The following SPAG9 variants were observed in gnomAD, a reference collection of about 807,000 sequenced individuals.
SPAG9 encodes the protein sperm associated antigen 9, also known as C-Jun-amino-terminal kinase-interacting protein 4.
Under a neutral mutation model 166.5 loss-of-function variants are expected in SPAG9, and 35 were observed. That is an observed-to-expected ratio of 0.21 (90% CI 0.16 to 0.28). The LOEUF is 0.28. Among genes scored for constraint, SPAG9 ranks in the 10% least tolerant of loss-of-function variants. SPAG9 has a pLI of 1.00. For missense variants in SPAG9, 1,235 were observed against 1,603.3 expected (o/e 0.77, Z 3.92); for synonymous variants, 534 against 565.5 (o/e 0.94, Z 0.79).
intron 6 of SPAG9, among the ~76,000 whole-genome samples, chr17:51,028,493 A>G (rs1194695602): frequency 1.3e-5 from 2 of 152,216 alleles, no homozygotes; most frequent in Admixed American, 1.3e-4. Context: ...AGGTACACAA[A>G]ATAGTTACCA....
At chr17:51,012,597 T>C (rs2045534039) in intron 9 of SPAG9, among the ~76,000 whole-genome samples, 1 of 151,942 alleles carries the variant, frequency 6.6e-6, no homozygotes, top group Admixed American at 6.6e-5. Flanking sequence ...ACAACTTTCT[T>C]AGCCCTCCAT....
chr17:51,089,879 T>C (rs1323598921), intron 1 of SPAG9, among the ~76,000 whole-genome samples: 1 of 151,166 alleles, frequency 6.6e-6, no homozygotes, highest in Non-Finnish European at 1.5e-5. Flanking sequence ...GGTTTCACCA[T>C]GTTGGCCAGG....
chr17:51,099,780 A>C lies in SPAG9; in HGVS notation c.304-20076T>G, dbSNP rs60928400. ...TTACTAAAAAAAAAAAAAAAAAAAAAAAAAAAAAACTAGAAATTGTTATCT... is the reference window on the plus strand; with the variant it reads ...TTACTAAAAAAAAAAAAAAAAAAAACAAAAAAAAACTAGAAATTGTTATCT... On this transcript the variant is annotated intron_variant, in intron 1 of 29. Coordinates refer to ENST00000262013, the MANE Select transcript of SPAG9 (RefSeq NM_001130528.3). Among the ~76,000 whole-genome samples, 150 of 150,532 alleles carry C rather than the reference A, an allele frequency of 1.0e-3. 1 individual carries two copies. The highest frequency in any genetic ancestry group is 3.2e-3 in the African/African-American group (134 of 41,266).
intron 22 of SPAG9, among the ~76,000 whole-genome samples, chr17:50,986,729 C>T (rs1975077439): frequency 6.6e-6 from 1 of 152,136 alleles, no homozygotes; most frequent in Non-Finnish European, 1.5e-5. Context: ...GGGATTGGGC[C>T]TTCCTGCAGC....
chr17:50,989,058 A>T (rs887882501), intron 21 of SPAG9, among the ~76,000 whole-genome samples: 1 of 152,198 alleles, frequency 6.6e-6, no homozygotes, highest in Non-Finnish European at 1.5e-5. Flanking sequence ...AAAGAAAAAA[A>T]AACAGATCAG....
At chr17:51,003,981 T>C (rs1279033786) in intron 12 of SPAG9, among the ~76,000 whole-genome samples, 9 of 152,230 alleles carry the variant, frequency 5.9e-5, no homozygotes, top group African/African-American at 2.2e-4. Context: ...TTGTGACTAT[T>C]CATTCAATGG....
intron 1 of SPAG9, among the ~76,000 whole-genome samples, chr17:51,107,845 G>A (rs184050095): frequency 1.3e-5 from 2 of 151,660 alleles, no homozygotes; most frequent in East Asian, 1.9e-4. Flanking sequence ...AGCCCAGGAG[G>A]TTGAGGCTAC....
chr17:51,020,399 C>T, intron 7 of SPAG9, 141 bp from the exon 8 acceptor site: 1 of 604,630 alleles, frequency 1.7e-6, no homozygotes, highest in African/African-American at 1.9e-5. Context: ...GGAAATACAG[C>T]ATTATACAAT....
At chr17:50,998,643 G>T in intron 14 of SPAG9, 26 bp from the exon 15 acceptor site, 1 of 1,602,380 alleles carries the variant, frequency 6.2e-7, no homozygotes, top group Non-Finnish European at 8.5e-7. Flanking sequence ...ATGTCTGTGT[G>T]TCACATGTAC....
At chr17:51,069,315 T>C (rs548994939) in intron 2 of SPAG9, among the ~76,000 whole-genome samples, 1 of 152,166 alleles carries the variant, frequency 6.6e-6, no homozygotes, top group East Asian at 1.9e-4. Context: ...AAGTGTCCTA[T>C]TACAGTATTA....
chr17:50,971,661 C>T (rs1322483931), intron 28 of SPAG9, among the ~76,000 whole-genome samples: 4 of 151,762 alleles, frequency 2.6e-5, no homozygotes, highest in East Asian at 3.9e-4. Flanking sequence ...AGGGTTTCAC[C>T]GTGTTAGCCA....
At chr17:51,053,414 C>T (rs892750212) in intron 3 of SPAG9, among the ~76,000 whole-genome samples, 2 of 151,554 alleles carry the variant, frequency 1.3e-5, no homozygotes, top group South Asian at 2.1e-4. Context: ...TGGCCAGGAG[C>T]GGTGGCTCAC....
At chr17:51,038,990 T>G (rs2046727380) in intron 5 of SPAG9, among the ~76,000 whole-genome samples, 1 of 152,130 alleles carries the variant, frequency 6.6e-6, no homozygotes, top group Admixed American at 6.6e-5. Flanking sequence ...TCTCTCACAG[T>G]GAGAAATTTG....
At position 50,964,620 on chromosome 17, in the gene SPAG9, C is replaced by T; in HGVS notation, c.*1652G>A. 1 of 309,266 alleles carries T rather than the reference C, an allele frequency of 3.2e-6. No individual in the cohort carries two copies. The allele number at this position is 309,266 out of a possible 1,614,324, so 19.2% of individuals were successfully genotyped here. The stretch of plus-strand genomic sequence containing the variant: ...AAAAAAAAAATCATATTTAGCTTTG[C>T]CTAGAGTAATAGATAAAAAAGGGTA... On this transcript the variant is annotated 3_prime_UTR_variant, in exon 30 of 30. Transcript: ENST00000262013.
chr17:50,991,606 C>T (rs1188375753), intron 19 of SPAG9, among the ~76,000 whole-genome samples: 3 of 151,648 alleles, frequency 2.0e-5, no homozygotes, highest in Admixed American at 1.3e-4. Context: ...ATATTTATAA[C>T]ATTGTGTAGC....
chr17:51,082,372 T>A (rs897550480), intron 1 of SPAG9, among the ~76,000 whole-genome samples: 6 of 105,330 alleles, frequency 5.7e-5, no homozygotes, highest in Non-Finnish European at 1.1e-4. Context: ...AGAGCAAGAC[T>A]GTCTCAAAAA....
Position 51,039,401 on chromosome 17 carries a change from G to A in SPAG9, c.741+2100C>T, listed in dbSNP as rs930395475. On this transcript the variant is annotated intron_variant, in intron 5 of 29. Coordinates refer to ENST00000262013, the MANE Select transcript of SPAG9 (RefSeq NM_001130528.3). ...TTATCTAGTGAACGACAAGGGCTTAGGTGAAAAATAAAATACTGTACATCC... is the reference window on the plus strand; with the variant it reads ...TTATCTAGTGAACGACAAGGGCTTAAGTGAAAAATAAAATACTGTACATCC... Among the ~76,000 whole-genome samples the A allele has an allele frequency of 2.0e-5, 3 of 152,098 alleles. No homozygotes were observed. The South Asian group carries it at 6.2e-4, about 31-fold the overall frequency.
At chr17:51,028,609 AG>A (rs2046278457) in intron 6 of SPAG9, among the ~76,000 whole-genome samples, 1 of 152,186 alleles carries the variant, frequency 6.6e-6, no homozygotes, top group African/African-American at 2.4e-5. Context: ...TATACTGTCT[AG>A]GTTTGGGTAA....
chr17:51,049,190 C>T (rs1210658561), intron 3 of SPAG9, among the ~76,000 whole-genome samples: 1 of 151,294 alleles, frequency 6.6e-6, no homozygotes, highest in East Asian at 1.9e-4. Flanking sequence ...CTGGGCAACA[C>T]AGCAAGACAC....
Sources: gnomAD v4.1 joint callset for allele counts (sites outside exome capture counted in the v4.1 genomes callset) on GRCh38, gnomAD v4.1.1 for gene constraint, MANE v1.5 for transcripts, NCBI Gene and HGNC (gene_info 2026-07-23, HGNC 2026-07-21) for gene names.